TERF2: variants seen among roughly 807,000 people sequenced by gnomAD.
TERF2 encodes telomeric repeat binding factor 2, also known as telomeric repeat-binding factor 2.
In TERF2, 16 loss-of-function variants were observed where a neutral mutation model predicts 56.1. The observed-to-expected ratio is 0.29, with a 90% confidence interval of 0.19 to 0.43. The LOEUF (loss-of-function observed/expected upper bound fraction) is 0.43. TERF2 is among the 20% of genes least tolerant of loss of function. TERF2 has a pLI of 1.00. For missense variants in TERF2, 547 were observed against 712.9 expected (o/e 0.77, Z 2.65); for synonymous variants, 296 against 282.1 (o/e 1.05, Z -0.50).
chr16:69,366,860 T>C lies in TERF2; in HGVS notation c.1287A>G (p.Pro429=). The part of the protein sequence containing the change: ...LNSSQEAASA[P]PSKPTVLNQP... ...GGTTGAGAACGGTGGGCTTGGATGG[T>C]GGCGCTGAAGCGGCCTCCTGGGAGG... The change falls in exon 7 of 10, where the codon CCA becomes CCG. Residue 429 remains proline (P), a synonymous_variant. Transcript: ENST00000254942. The C allele has an allele frequency of 6.2e-7, 1 of 1,614,008 alleles. No individual in the cohort carries two copies. Among genetic ancestry groups the C allele is most frequent in the Non-Finnish European group, 8.5e-7 (1 of 1,180,010 alleles).
chr16:69,364,822 C>G (rs191329363), intron 7 of TERF2: 2 of 152,322 alleles, frequency 1.3e-5, no homozygotes, highest in East Asian at 3.9e-4. Context: ...ACACATACTT[C>G]TTTAGAGCAG....
At chr16:69,372,861 C>G (rs897343717) in intron 3 of TERF2, among the ~76,000 whole-genome samples, 2 of 152,110 alleles carry the variant, frequency 1.3e-5, no homozygotes, top group African/African-American at 4.8e-5. Context: ...AATACAATGG[C>G]TTTTGTTACA....
chr16:69,364,547 CAG>C (rs1176454937), intron 7 of TERF2, among the ~76,000 whole-genome samples: 1 of 151,806 alleles, frequency 6.6e-6, no homozygotes, highest in Non-Finnish European at 1.5e-5. Flanking sequence ...ATCTAGCATG[CAG>C]ACTCTCCTAC....
At chr16:69,370,186 AC>A (rs751363237) in intron 5 of TERF2, 19 of 378,288 alleles carry the variant, frequency 5.0e-5, no homozygotes, top group Non-Finnish European at 7.6e-5. Context: ...GCCTGCCACC[AC>A]GCCCAGCTAA....
chr16:69,366,689 T>C, intron 7 of TERF2, 118 bp downstream of exon 7: 2 of 1,336,872 alleles, frequency 1.5e-6, no homozygotes, highest in South Asian at 1.5e-5. Context: ...TCTAGCAGTC[T>C]GAGCAAGCCT....
intron 8 of TERF2, among the ~76,000 whole-genome samples, chr16:69,358,530 T>A (rs2142702228): frequency 6.6e-6 from 1 of 152,346 alleles, no homozygotes; most frequent in South Asian, 2.1e-4. Context: ...CATATAGGTA[T>A]TAGTGTGTGT....
At position 69,385,945 on chromosome 16, in the gene TERF2, GCCCGCCGTCCCGGCT is replaced by G. The variant is rs1487948364; in HGVS notation, c.12_26del (p.Ala5_Gly9del). Reference sequence around the variant, plus strand: ...GCACGACGCCCGGGCCGGAAGCGGGGCCCGCCGTCCCGGCTCCCGCGGCCATGATAGAAACAGCGT... The same window carrying G: ...GCACGACGCCCGGGCCGGAAGCGGGGCCCGCGGCCATGATAGAAACAGCGT... On this transcript the variant is annotated inframe_deletion, in exon 1 of 10. Coordinates refer to ENST00000254942, the MANE Select transcript of TERF2 (RefSeq NM_005652.5). The G allele has an allele frequency of 8.1e-6, 11 of 1,364,024 alleles. No homozygotes were observed. In the East Asian group the frequency reaches 3.4e-4, roughly 42 times the overall value. The allele number at this position is 1,364,024 out of a possible 1,614,324, so 84.5% of individuals were successfully genotyped here.
intron 3 of TERF2, among the ~76,000 whole-genome samples, chr16:69,382,824 G>A (rs939466618): frequency 2.6e-5 from 4 of 152,296 alleles, no homozygotes; most frequent in Admixed American, 6.5e-5. Flanking sequence ...CCCTGAGCCA[G>A]AATCACTAAT....
chr16:69,366,760 A>C, intron 7 of TERF2, 47 bp downstream of exon 7: 3 of 1,559,276 alleles, frequency 1.9e-6, no homozygotes, highest in Non-Finnish European at 2.6e-6. Flanking sequence ...AGGCCCAACC[A>C]GGACCACCAA....
At chr16:69,368,138 G>A (rs1276787805) in intron 6 of TERF2, among the ~76,000 whole-genome samples, 1 of 152,218 alleles carries the variant, frequency 6.6e-6, no homozygotes, top group Admixed American at 6.5e-5. Context: ...GGCAAGGAGA[G>A]AGAAATGGTG....
rs574742171 is a variant in TERF2, at chr16:69,371,241, G to C, written c.694-612C>G. On this transcript the variant is annotated intron_variant, in intron 4 of 9. Coordinates refer to ENST00000254942, the MANE Select transcript of TERF2 (RefSeq NM_005652.5). ...AGGCCAGGTGCAGTGGCTCACACCTGTAATGCCAGCACTTTGGGAGGTCGA... is the reference window on the plus strand; with the variant it reads ...AGGCCAGGTGCAGTGGCTCACACCTCTAATGCCAGCACTTTGGGAGGTCGA... Among the ~76,000 whole-genome samples, 3 of 152,204 alleles carry C rather than the reference G, an allele frequency of 2.0e-5. No homozygotes were observed. In the South Asian group the frequency reaches 6.2e-4, roughly 32 times the overall value.
At chr16:69,363,114 G>C (rs2013206405) in intron 7 of TERF2, among the ~76,000 whole-genome samples, 2 of 152,124 alleles carry the variant, frequency 1.3e-5, no homozygotes. Flanking sequence ...ATTTACTTGA[G>C]ACAAAGTGAA....
At position 69,367,065 on chromosome 16, in the gene TERF2, G is replaced by T; in HGVS notation, c.1082C>A (p.Ala361Asp). 6.2e-7 allele frequency: 1 copy of T among 1,614,234 alleles called. No individual in the cohort carries two copies. Among genetic ancestry groups the T allele is most frequent in the African/African-American group, 1.3e-5 (1 of 75,064 alleles). ...TTTGAGGGCTGGTGATGCTGGGAGA[G>T]CTTGAGTAGGAAGAACCAGATCCTT... is the stretch of plus-strand genomic sequence containing the variant. Reference protein sequence around the residue: ...DQKDLVLPTQALPASPALKNK... With the variant: ...DQKDLVLPTQDLPASPALKNK... Residue 361 changes from alanine to aspartate, a missense_variant, in exon 7 of 10, where the codon GCT (alanine) becomes GAT (aspartate). This residue lies in a region of TERF2 where 211 missense variants were observed against 236.8 expected (regional missense o/e 0.89). Coordinates refer to ENST00000254942, the MANE Select transcript of TERF2 (RefSeq NM_005652.5).
Position 69,361,372 on chromosome 16 carries a change from CAAG to C in TERF2, c.1426+29_1426+31del, listed in dbSNP as rs769344702. On this transcript the variant is annotated intron_variant, in intron 8 of 9. Transcript: ENST00000254942. The stretch of plus-strand genomic sequence containing the variant: ...CACGCATCTGTACTTCAGCAAGCAT[CAAG>C]AAGAGGCCAAGGAGAATCTTCTGCT... 7 of 1,490,442 alleles carry C rather than the reference CAAG, an allele frequency of 4.7e-6. No homozygotes were observed. In the South Asian group the frequency reaches 6.8e-5, roughly 14 times the overall value. 92.3% of individuals were successfully genotyped at this position (1,490,442 alleles called of 1,614,324 possible).
chr16:69,362,775 A>C (rs1274589518), intron 7 of TERF2, among the ~76,000 whole-genome samples: 1 of 152,198 alleles, frequency 6.6e-6, no homozygotes, highest in East Asian at 1.9e-4. Context: ...CAGAATTATA[A>C]CATCTTTTAC....
At chr16:69,374,012 C>T (rs166134) in intron 3 of TERF2, among the ~76,000 whole-genome samples, 150,296 of 152,324 alleles carry the variant, frequency 0.99, 74,159 homozygotes, top group Middle Eastern at 1. Context: ...TGATGTCAAA[C>T]GCCCTTGAAT....
intron 2 of TERF2, 21 bp downstream of exon 2, chr16:69,385,370 A>C (rs764233721): frequency 6.2e-7 from 1 of 1,603,870 alleles, no homozygotes; most frequent in East Asian, 2.2e-5. Context: ...AGCCCAGAGA[A>C]GAACACAAAA....
At chr16:69,384,168 C>T (rs2014102886) in intron 3 of TERF2, among the ~76,000 whole-genome samples, 1 of 152,158 alleles carries the variant, frequency 6.6e-6, no homozygotes, top group South Asian at 2.1e-4. Context: ...TCTCTAAGCC[C>T]CTCTTTCTGC....
chr16:69,372,457 G>T, intron 3 of TERF2, 102 bp from the exon 4 acceptor site: 1 of 809,246 alleles, frequency 1.2e-6, no homozygotes, highest in Non-Finnish European at 1.9e-6. Context: ...TCAAATTTCT[G>T]TACTTAAAAA....
Sources: gnomAD v4.1 joint callset for allele counts (sites outside exome capture counted in the v4.1 genomes callset) on GRCh38, gnomAD v4.1.1 for gene constraint, gnomAD v4.1.1 regional missense constraint, MANE v1.5 for transcripts, NCBI Gene and HGNC (gene_info 2026-07-23, HGNC 2026-07-21) for gene names.